KMT2C: variants seen among roughly 807,000 people sequenced by gnomAD.
KMT2C encodes histone-lysine N-methyltransferase 2C.
A neutral mutation model predicts 507.9 loss-of-function variants in KMT2C; 88 were observed. The observed-to-expected ratio is 0.17, with a 90% CI of 0.15 to 0.21. KMT2C has a LOEUF of 0.21. KMT2C is among the 10% of genes least tolerant of loss of function. KMT2C has a pLI of 1.00. For synonymous variants in KMT2C, 2,049 were observed against 2,080.8 expected (o/e 0.98, Z 0.42); for missense variants, 4,954 against 5,957.8 (o/e 0.83, Z 5.55).
intron 20 of KMT2C, among the ~76,000 whole-genome samples, chr7:152,223,380 A>T (rs1457057936): frequency 6.6e-6 from 1 of 152,096 alleles, no homozygotes; most frequent in Non-Finnish European, 1.5e-5. Flanking sequence ...TGTGTTAGAT[A>T]TTTTTTATAA....
chr7:152,311,477 T>C (rs2096670995), intron 5 of KMT2C, among the ~76,000 whole-genome samples: 1 of 152,122 alleles, frequency 6.6e-6, no homozygotes, highest in Admixed American at 6.5e-5. Context: ...GAATGCCACA[T>C]TCCCCAAGTT....
At chr7:152,309,663 G>T (rs1479009425) in intron 6 of KMT2C, among the ~76,000 whole-genome samples, 1 of 151,602 alleles carries the variant, frequency 6.6e-6, no homozygotes, top group African/African-American at 2.4e-5. Context: ...TGGGATTACA[G>T]GCGACTGCCA....
chr7:152,182,559 A>G lies in KMT2C; in HGVS notation c.5301T>C (p.Ile1767=). 6.3e-7 allele frequency: 1 copy of G among 1,593,482 alleles called. No individual in the cohort carries two copies. Among genetic ancestry groups the G allele is most frequent in the Non-Finnish European group, 8.5e-7 (1 of 1,169,982 alleles). ...MRQKSKQQAK[I]EATQKLEQVK... is the part of the protein sequence containing the mutation. Reference sequence around the variant, plus strand: ...CCTGTTCAAGTTTCTGTGTGGCTTCAATTTTAGCTTGCTGCTTACTTTTCT... The same window carrying G: ...CCTGTTCAAGTTTCTGTGTGGCTTCGATTTTAGCTTGCTGCTTACTTTTCT... The change falls in exon 36 of 59, where the codon ATT becomes ATC. Residue 1767 remains isoleucine, a synonymous_variant. Transcript: ENST00000262189.
chr7:152,169,314 T>A, intron 40 of KMT2C, 65 bp from the exon 41 acceptor site: 1 of 859,900 alleles, frequency 1.2e-6, no homozygotes, highest in Non-Finnish European at 1.9e-6. Context: ...GAAAAAACTT[T>A]AAAAGAAAGA....
intron 2 of KMT2C, among the ~76,000 whole-genome samples, chr7:152,348,059 TAAC>T (rs1355538864): frequency 6.6e-6 from 1 of 152,158 alleles, no homozygotes; most frequent in East Asian, 1.9e-4. Context: ...GAAATACTAT[TAAC>T]AACTGTATGC....
intron 2 of KMT2C, among the ~76,000 whole-genome samples, chr7:152,334,248 G>C (rs2096912163): frequency 6.6e-6 from 1 of 152,192 alleles, no homozygotes; most frequent in Non-Finnish European, 1.5e-5. Flanking sequence ...CTGAGGTCAG[G>C]AGTTCGAGAC....
Position 152,163,022 on chromosome 7 carries a change from A to C in KMT2C, c.10555T>G (p.Ser3519Ala). The C allele has an allele frequency of 6.2e-7, 1 of 1,614,202 alleles. No homozygotes were observed. The highest frequency in any genetic ancestry group is 8.5e-7 in the Non-Finnish European group (1 of 1,180,038). The change falls in exon 43 of 59, where the codon TCA (serine) becomes GCA (alanine). Residue 3519 changes from serine (S) to alanine (A), a missense_variant. This residue lies in a region of KMT2C where 801 missense variants were observed against 751.2 expected (regional missense o/e 1.07). Coordinates refer to ENST00000262189, the MANE Select transcript of KMT2C (RefSeq NM_170606.3). ...GGGCTTCCAACAGGGATTGATGGTG[A>C]ATCAGGAACAAATGAAGGAGGGCCT... ...QVGPPSFVPD[S>A]PSIPVGSPNF...
At chr7:152,428,477 A>C (rs986043808) in intron 1 of KMT2C, among the ~76,000 whole-genome samples, 1 of 150,180 alleles carries the variant, frequency 6.7e-6, no homozygotes, top group Non-Finnish European at 1.5e-5. Flanking sequence ...AAAAAAAAAA[A>C]AAAACTAGCC....
intron 3 of KMT2C, among the ~76,000 whole-genome samples, chr7:152,328,389 T>A (rs1589223080): frequency 6.6e-6 from 1 of 151,872 alleles, no homozygotes; most frequent in Admixed American, 6.6e-5. Flanking sequence ...CTCTGGGAGG[T>A]AAGCCAGGAG....
Position 152,154,374 on chromosome 7 carries a change from A to G in KMT2C, c.12032T>C (p.Val4011Ala). 1 of 1,614,102 alleles carries G rather than the reference A, an allele frequency of 6.2e-7. No individual in the cohort carries two copies. The highest frequency in any genetic ancestry group is 1.7e-5 in the Admixed American group (1 of 60,020). Residue 4011 changes from valine (V) to alanine (A), a missense_variant, in exon 47 of 59, where the codon GTT (valine) becomes GCT (alanine). Physicochemically the swap from Val to Ala is moderately conservative, Grantham distance 64 (BLOSUM62 0). This residue lies in a region of KMT2C where 6 missense variants were observed against 23.3 expected (regional missense o/e 0.26). Coordinates refer to ENST00000262189, the MANE Select transcript of KMT2C (RefSeq NM_170606.3). ...TGGATACCTGCTCACTTCTACCCCAACCACACTCTCAGGAGAGGATGAGGG... is the reference window on the plus strand; with the variant it reads ...TGGATACCTGCTCACTTCTACCCCAGCCACACTCTCAGGAGAGGATGAGGG... Reference protein sequence around the residue: ...FVPSSSPESVVGVEVSRYPDL... With the variant: ...FVPSSSPESVAGVEVSRYPDL...
intron 1 of KMT2C, among the ~76,000 whole-genome samples, chr7:152,411,842 T>A (rs939308707): frequency 6.6e-6 from 1 of 152,310 alleles, no homozygotes; most frequent in Non-Finnish European, 1.5e-5. Context: ...CATCACAATG[T>A]TAAAATCTTG....
At chr7:152,180,205 G>C (rs2129118578) in intron 36 of KMT2C, 79 bp from the exon 37 acceptor site, 1 of 1,459,816 alleles carries the variant, frequency 6.9e-7, no homozygotes, top group South Asian at 1.2e-5. Flanking sequence ...TTTATTTTTA[G>C]ATATGGGATC....
intron 41 of KMT2C, 43 bp from the exon 42 acceptor site, chr7:152,167,421 G>T (rs1333804891): frequency 7.7e-7 from 1 of 1,306,810 alleles, no homozygotes; most frequent in Non-Finnish European, 1.1e-6. Flanking sequence ...TTTCTAAAGA[G>T]TCCAACATTA....
chr7:152,372,559 C>A (rs2097300473), intron 1 of KMT2C, among the ~76,000 whole-genome samples: 1 of 152,096 alleles, frequency 6.6e-6, no homozygotes, highest in South Asian at 2.1e-4. Context: ...AAAAGATATT[C>A]CACACACATG....
At chr7:152,264,691 CTGTT>C (rs973972540) in intron 8 of KMT2C, among the ~76,000 whole-genome samples, 11 of 152,074 alleles carry the variant, frequency 7.2e-5, no homozygotes, top group South Asian at 2.1e-4. Flanking sequence ...CTTTATTCTT[CTGTT>C]TGTTTTAAAT....
At chr7:152,305,207 ATAAG>A (rs1293059946) in intron 6 of KMT2C, among the ~76,000 whole-genome samples, 2 of 152,194 alleles carry the variant, frequency 1.3e-5, no homozygotes, top group African/African-American at 2.4e-5. Context: ...GAGATGAACA[ATAAG>A]TAAGATTATT....
chr7:152,338,008 C>T (rs939544253), intron 2 of KMT2C, among the ~76,000 whole-genome samples: 4 of 152,110 alleles, frequency 2.6e-5, no homozygotes, highest in African/African-American at 9.7e-5. Flanking sequence ...AGGCGCCCGG[C>T]ACCACACCTG....
At chr7:152,413,743 G>A (rs1479697831) in intron 1 of KMT2C, among the ~76,000 whole-genome samples, 2 of 152,026 alleles carry the variant, frequency 1.3e-5, no homozygotes, top group Admixed American at 1.3e-4. Context: ...AAATTAGCCA[G>A]GTGTGGTGGC....
intron 31 of KMT2C, 43 bp from the exon 32 acceptor site, chr7:152,187,890 T>A: frequency 6.2e-7 from 1 of 1,602,876 alleles, no homozygotes; most frequent in South Asian, 1.1e-5. Context: ...TATTCACAAG[T>A]AACAAGGAGT....
Sources: allele counts gnomAD v4.1 joint callset (sites outside exome capture counted in the v4.1 genomes callset), GRCh38; gene constraint gnomAD v4.1.1; regional missense constraint gnomAD v4.1.1; transcripts MANE v1.5; gene names NCBI Gene and HGNC (gene_info 2026-07-23, HGNC 2026-07-21).